The following EPB41L4A variants were observed in gnomAD, a reference collection of about 807,000 sequenced individuals.
EPB41L4A encodes erythrocyte membrane protein band 4.1 like 4A.
Under a neutral mutation model 108.6 loss-of-function variants are expected in EPB41L4A, and 100 were observed. The observed-to-expected ratio is 0.92, with a 90% CI of 0.78 to 1.09. EPB41L4A has a LOEUF of 1.09. EPB41L4A is among the 50% of genes least tolerant of loss of function. EPB41L4A has a pLI of 0.00. For synonymous variants in EPB41L4A, 319 were observed against 289.0 expected (o/e 1.10, Z -1.05); for missense variants, 1,030 against 842.7 (o/e 1.22, Z -2.75).
At chr5:112,293,352 C>G (rs1364842963) in intron 2 of EPB41L4A, among the ~76,000 whole-genome samples, 1 of 110,352 alleles carries the variant, frequency 9.1e-6, no homozygotes, top group Admixed American at 7.9e-5. Flanking sequence ...TATTTTTCCT[C>G]ATCCTCTCCC....
chr5:112,409,703 T>TA (rs1245089806), intron 1 of EPB41L4A, among the ~76,000 whole-genome samples: 1 of 152,082 alleles, frequency 6.6e-6, no homozygotes, highest in Non-Finnish European at 1.5e-5. Flanking sequence ...GGGAATCCCA[T>TA]AAAAAAGACC....
chr5:112,171,111 G>A, intron 18 of EPB41L4A, 119 bp from the exon 19 acceptor site: 1 of 850,218 alleles, frequency 1.2e-6, no homozygotes, highest in Non-Finnish European at 1.9e-6. Flanking sequence ...AACAGACAAG[G>A]AAAGACTGGA....
Position 112,204,377 on chromosome 5 carries a change from C to A in EPB41L4A, c.1374G>T (p.Arg458Ser). 1.2e-6 allele frequency: 2 copies of A among 1,607,588 alleles called. No homozygotes were observed. The highest frequency in any genetic ancestry group is 1.7e-6 in the Non-Finnish European group (2 of 1,174,204). The part of the protein sequence containing the change: ...SDNDSVQPVR[R>S]RKAHNSGEDS... Reference sequence around the variant, plus strand: ...CAGAGAGATTGTGTTCCGCTTACCTCCTCCTCACAGGCTGTACAGAATCAT... The same window carrying A: ...CAGAGAGATTGTGTTCCGCTTACCTACTCCTCACAGGCTGTACAGAATCAT... The change falls in exon 15 of 23, where the codon AGG becomes AGT. Residue 458 changes from arginine to serine, a missense_variant and splice_region_variant. Arg to Ser is a moderately radical substitution (Grantham distance 110). Coordinates refer to ENST00000261486, the MANE Select transcript of EPB41L4A (RefSeq NM_022140.5).
chr5:112,201,538 G>C (rs945409627), intron 15 of EPB41L4A, among the ~76,000 whole-genome samples: 1 of 152,144 alleles, frequency 6.6e-6, no homozygotes, highest in Non-Finnish European at 1.5e-5. Context: ...ATGACTATCT[G>C]CTCAACATGT....
At position 112,419,064 on chromosome 5, in the gene EPB41L4A, GGAGA is replaced by G. The variant is rs753499743; in HGVS notation, c.-29_-26del. The G allele has an allele frequency of 6.3e-7, 1 of 1,588,986 alleles. No homozygotes were observed. On this transcript the variant is annotated 5_prime_UTR_variant, in exon 1 of 23. Coordinates refer to ENST00000261486, the MANE Select transcript of EPB41L4A (RefSeq NM_022140.5). ...TGTCGGTTGTGGTCGTCTCCAGCCA[GGAGA>G]GAAAGCTACCACCGAGGCGCCCAGC...
chr5:112,392,169 A>C (rs111415309), intron 1 of EPB41L4A, among the ~76,000 whole-genome samples: 107 of 152,262 alleles, frequency 7.0e-4, no homozygotes, highest in African/African-American at 2.5e-3. Context: ...GCATCGACTA[A>C]TGGGAAAACT....
intron 20 of EPB41L4A, 136 bp downstream of exon 20, chr5:112,170,163 CTT>C (rs1760492321): frequency 2.6e-6 from 2 of 780,930 alleles, no homozygotes; most frequent in Non-Finnish European, 4.2e-6. Flanking sequence ...TTTTCTTCCT[CTT>C]TCGCTACTGT....
At chr5:112,359,694 C>G (rs1165919440) in intron 1 of EPB41L4A, among the ~76,000 whole-genome samples, 1 of 152,246 alleles carries the variant, frequency 6.6e-6, no homozygotes, top group African/African-American at 2.4e-5. Context: ...GCGCCTGCCA[C>G]CACGCCCAGC....
chr5:112,242,318 T>C (rs544031869), intron 9 of EPB41L4A, among the ~76,000 whole-genome samples: 1 of 152,370 alleles, frequency 6.6e-6, no homozygotes, highest in South Asian at 2.1e-4. Context: ...TTTAAAAATG[T>C]TCACAGCATC....
chr5:112,197,779 G>C (rs1348840297), intron 15 of EPB41L4A, among the ~76,000 whole-genome samples: 1 of 152,126 alleles, frequency 6.6e-6, no homozygotes, highest in African/African-American at 2.4e-5. Flanking sequence ...TTCTTGATAT[G>C]ATGGACCCTA....
chr5:112,353,384 G>C (rs920065693), intron 1 of EPB41L4A, among the ~76,000 whole-genome samples: 1 of 152,176 alleles, frequency 6.6e-6, no homozygotes, highest in Non-Finnish European at 1.5e-5. Flanking sequence ...CAGGCCCTCA[G>C]GGCACTGGGC....
At chr5:112,221,944 G>C (rs1748080917) in intron 12 of EPB41L4A, among the ~76,000 whole-genome samples, 1 of 152,150 alleles carries the variant, frequency 6.6e-6, no homozygotes, top group African/African-American at 2.4e-5. Flanking sequence ...TGGAAAATAA[G>C]CCTAAGTTTC....
chr5:112,302,162 C>G (rs898989112), intron 2 of EPB41L4A, among the ~76,000 whole-genome samples: 4 of 151,998 alleles, frequency 2.6e-5, no homozygotes, highest in African/African-American at 9.7e-5. Flanking sequence ...CTAAAACTTA[C>G]AAAATTTCAA....
chr5:112,307,324 A>G, intron 2 of EPB41L4A, 62 bp downstream of exon 2: 1 of 1,095,214 alleles, frequency 9.1e-7, no homozygotes, highest in Non-Finnish European at 1.4e-6. Flanking sequence ...CATATCAGGA[A>G]AAGCCAGAGA....
At chr5:112,161,272 C>T (rs1431514292), downstream of EPB41L4A, 2 of 333,580 alleles carry the variant, frequency 6.0e-6, no homozygotes, top group South Asian at 4.7e-5. Flanking sequence ...CGGTGCTCGT[C>T]GGGAGTGATC....
chr5:112,390,978 G>A (rs1397064010), intron 1 of EPB41L4A, among the ~76,000 whole-genome samples: 3 of 152,186 alleles, frequency 2.0e-5, no homozygotes, highest in African/African-American at 7.2e-5. Flanking sequence ...GCAGCTGAGG[G>A]ACCTGACTGT....
chr5:112,389,768 T>C (rs1284245519), intron 1 of EPB41L4A, among the ~76,000 whole-genome samples: 1 of 152,192 alleles, frequency 6.6e-6, no homozygotes, highest in Non-Finnish European at 1.5e-5. Flanking sequence ...ATTGAGACCT[T>C]TAAACTAAAT....
At position 112,262,668 on chromosome 5, in the gene EPB41L4A, G is replaced by T. The variant is rs912633332; in HGVS notation, c.555-87C>A. 1.0e-4 allele frequency: 114 copies of T among 1,091,050 alleles called. No individual in the cohort carries two copies. The South Asian group carries it at 1.2e-3, about 12-fold the overall frequency. The allele number at this position is 1,091,050 out of a possible 1,614,324, so 67.6% of individuals were successfully genotyped here. A position where few individuals can be genotyped will look rare whatever the true frequency, so the allele number is the denominator to read the frequency against. ...CAAACTATCTTCATTGTATTCAATG[G>T]GAAAACAAATAATACTTTTTACTAA... On this transcript the variant is annotated intron_variant, in intron 6 of 22. Transcript: ENST00000261486.
Position 112,291,997 on chromosome 5 carries a change from G to T in EPB41L4A, c.205-11674C>A, listed in dbSNP as rs116712147. 4.2e-3 allele frequency among the ~76,000 whole-genome samples: 647 copies of T among 152,306 alleles called. 6 individuals are homozygous for T. Among genetic ancestry groups the T allele is most frequent in the African/African-American group, 0.015 (610 of 41,562 alleles). On this transcript the variant is annotated intron_variant, in intron 2 of 22. Transcript: ENST00000261486. Reference sequence around the variant, plus strand: ...GTGGCTCACACCTGTAATTACATGGGTAGAGACTTTTTCTCTACATACCAC... The same window carrying T: ...GTGGCTCACACCTGTAATTACATGGTTAGAGACTTTTTCTCTACATACCAC...
Sources: gnomAD v4.1 joint callset for allele counts (sites outside exome capture counted in the v4.1 genomes callset) on GRCh38, gnomAD v4.1.1 for gene constraint, MANE v1.5 for transcripts, NCBI Gene and HGNC (gene_info 2026-07-23, HGNC 2026-07-21) for gene names.